BBS9: variants seen among roughly 807,000 people sequenced by gnomAD.
The protein encoded by BBS9 is Bardet-Biedl syndrome 9, also known as protein PTHB1.
Under a neutral mutation model 117.7 loss-of-function variants are expected in BBS9, and 89 were observed. The observed-to-expected ratio is 0.76, with a 90% CI of 0.64 to 0.90. The LOEUF (loss-of-function observed/expected upper bound fraction) is 0.90, where lower values mean the gene tolerates loss of function less well. BBS9 is among the 40% of genes least tolerant of loss of function. The pLI is 0.00. For synonymous variants in BBS9, 379 were observed against 370.9 expected, an observed-to-expected ratio of 1.02 and a Z score of -0.25; for missense variants, 982 against 1,042.2, an observed-to-expected ratio of 0.94 and a Z score of 0.80.
At chr7:33,556,245 G>A (rs1179248430) in intron 21 of BBS9, among the ~76,000 whole-genome samples, 1 of 152,150 alleles carries the variant, frequency 6.6e-6, no homozygotes, top group Non-Finnish European at 1.5e-5. Context: ...AGAGGAATTT[G>A]TTCTCTATCT....
chr7:33,383,682 G>C lies in BBS9; in HGVS notation c.1806G>C (p.Gln602His). Reference protein sequence around the residue: ...ASKTSQRYRIQSEQFEDLWLI... With the variant: ...ASKTSQRYRIHSEQFEDLWLI... ...TTCTCTCAGAACGATATCGCATTCAGAGTGAACAATTTGAAGATCTTTGGC... is the reference window on the plus strand; with the variant it reads ...TTCTCTCAGAACGATATCGCATTCACAGTGAACAATTTGAAGATCTTTGGC... Residue 602 changes from glutamine to histidine, a missense_variant, in exon 18 of 23, where the codon CAG (glutamine) becomes CAC (histidine). Transcript: ENST00000242067. 1 of 1,607,944 alleles carries C rather than the reference G, an allele frequency of 6.2e-7. No individual in the cohort carries two copies. The highest frequency in any genetic ancestry group is 8.5e-7 in the Non-Finnish European group (1 of 1,176,342).
At chr7:33,245,321 C>T (rs1363606664) in intron 5 of BBS9, among the ~76,000 whole-genome samples, 2 of 151,920 alleles carry the variant, frequency 1.3e-5, no homozygotes, top group African/African-American at 4.8e-5. Context: ...TTAACCTTTC[C>T]CCTCTCTTCT....
chr7:33,547,219 T>C (rs1207255012), intron 21 of BBS9, among the ~76,000 whole-genome samples: 2 of 152,202 alleles, frequency 1.3e-5, no homozygotes, highest in East Asian at 1.9e-4. Context: ...CTATCAAAGA[T>C]AGCAGAAGGT....
chr7:33,464,533 AG>A (rs1839899227), intron 19 of BBS9, among the ~76,000 whole-genome samples: 1 of 152,066 alleles, frequency 6.6e-6, no homozygotes, highest in Non-Finnish European at 1.5e-5. Flanking sequence ...GAATTTTTAA[AG>A]GTCTCCATTT....
rs1295646544 is a variant in BBS9 at position 33,505,332 on chromosome 7, C to T, written c.2116-131C>T. On this transcript the variant is annotated intron_variant, in intron 19 of 22. Coordinates refer to ENST00000242067, the MANE Select transcript of BBS9 (RefSeq NM_198428.3). ...GAATGATAACTCTTTTATTACTTAA[C>T]ATAGCTTGTGTTTGTGGAAGACAAA... 5.7e-5 allele frequency: 51 copies of T among 892,654 alleles called. No homozygotes were observed. In the Admixed American group the frequency reaches 8.7e-4, roughly 15 times the overall value. 55.3% of individuals were successfully genotyped at this position (892,654 alleles called of 1,614,324 possible).
At chr7:33,391,401 A>G (rs573171011) in intron 19 of BBS9, among the ~76,000 whole-genome samples, 3 of 152,198 alleles carry the variant, frequency 2.0e-5, no homozygotes, top group South Asian at 2.1e-4. Context: ...AATGTTCTCT[A>G]TGAGACACAC....
rs1248764316 is a variant in BBS9 at position 33,344,635 on chromosome 7, G to A, written c.1329+1G>A. On this transcript the variant is annotated splice_donor_variant, in intron 12 of 22. Transcript: ENST00000242067. LOFTEE classifies it high-confidence loss of function. ...CCTTGTCCCTTCTGTCACGGTGAAG[G>A]TATTGTACCAGATTTTAGACTGTAA... The A allele has an allele frequency of 2.5e-6, 4 of 1,613,660 alleles. No individual in the cohort carries two copies. Among genetic ancestry groups the A allele is most frequent in the East Asian group, 2.2e-5 (1 of 44,850 alleles).
chr7:33,324,520 C>T (rs1812431180), intron 9 of BBS9, among the ~76,000 whole-genome samples: 1 of 151,802 alleles, frequency 6.6e-6, no homozygotes, highest in Non-Finnish European at 1.5e-5. Flanking sequence ...CAGTGTTGTA[C>T]TATTCTATGT....
intron 12 of BBS9, among the ~76,000 whole-genome samples, chr7:33,347,862 T>A (rs1420738392): frequency 3.3e-5 from 5 of 152,012 alleles, no homozygotes; most frequent in Admixed American, 3.3e-4. Context: ...CTGTCTCATA[T>A]AACAAAGTCT....
chr7:33,345,488 G>A (rs1007239304), intron 12 of BBS9, among the ~76,000 whole-genome samples: 3 of 152,110 alleles, frequency 2.0e-5, no homozygotes, highest in Admixed American at 2.0e-4. Flanking sequence ...AATTGTGTTC[G>A]CTTACACTGG....
At chr7:33,526,865 C>G (rs1849598039) in intron 20 of BBS9, among the ~76,000 whole-genome samples, 1 of 151,264 alleles carries the variant, frequency 6.6e-6, no homozygotes, top group African/African-American at 2.4e-5. Flanking sequence ...TGTTTTTTCC[C>G]CATCTTTGTG....
At position 33,146,250 on chromosome 7, in the gene BBS9, A is replaced by C; in HGVS notation, c.-3A>C. ...AAATGTTTTCTTTTTAGTGTGAAAG[A>C]AAATGTCTTTATTTAAAGCCCGTGA... On this transcript the variant is annotated 5_prime_UTR_variant, in exon 2 of 23. Coordinates refer to ENST00000242067, the MANE Select transcript of BBS9 (RefSeq NM_198428.3). The C allele has an allele frequency of 1.2e-6, 2 of 1,605,604 alleles. No homozygotes were observed.
At chr7:33,141,282 C>A (rs758253892) in intron 1 of BBS9, among the ~76,000 whole-genome samples, 1 of 152,042 alleles carries the variant, frequency 6.6e-6, no homozygotes, top group East Asian at 1.9e-4. Context: ...ATTAGCTGGG[C>A]GTGTTGGCAG....
At chr7:33,623,842 G>C (rs1014394295) in intron 21 of BBS9, among the ~76,000 whole-genome samples, 2 of 152,114 alleles carry the variant, frequency 1.3e-5, no homozygotes, top group African/African-American at 4.8e-5. Context: ...ATGGCAAACT[G>C]TAAGGCAAAG....
chr7:33,618,688 T>A (rs183115572), intron 21 of BBS9, among the ~76,000 whole-genome samples: 117 of 152,254 alleles, frequency 7.7e-4, no homozygotes, highest in African/African-American at 2.6e-3. Flanking sequence ...GACCCCCATC[T>A]ATTTTTTTAA....
intron 20 of BBS9, among the ~76,000 whole-genome samples, chr7:33,528,625 A>G (rs574640871): frequency 6.6e-6 from 1 of 152,230 alleles, no homozygotes; most frequent in African/African-American, 2.4e-5. Flanking sequence ...TCTTCCACTT[A>G]AGATTTCAGA....
At chr7:33,633,681 C>T (rs972950183) in intron 21 of BBS9, among the ~76,000 whole-genome samples, 1 of 152,062 alleles carries the variant, frequency 6.6e-6, no homozygotes. Flanking sequence ...CTATTAAAGG[C>T]ATACTTGCAG....
chr7:33,628,930 C>G (rs1303452574), intron 21 of BBS9, among the ~76,000 whole-genome samples: 3 of 152,112 alleles, frequency 2.0e-5, no homozygotes, highest in Non-Finnish European at 4.4e-5. Flanking sequence ...AGGAAAGACA[C>G]AAACAACACA....
intron 19 of BBS9, among the ~76,000 whole-genome samples, chr7:33,471,900 G>C (rs1362053911): frequency 2.0e-5 from 3 of 152,212 alleles, no homozygotes; most frequent in Non-Finnish European, 4.4e-5. Context: ...AGCTGGTAGA[G>C]CAGACTGGTA....
Sources: gnomAD v4.1 joint callset for allele counts (sites outside exome capture counted in the v4.1 genomes callset) on GRCh38, gnomAD v4.1.1 for gene constraint, MANE v1.5 for transcripts, NCBI Gene and HGNC (gene_info 2026-07-23, HGNC 2026-07-21) for gene names.